Variants in PALS2 observed in about 807,000 individuals in gnomAD.
The protein encoded by PALS2 is protein associated with LIN7 2, MAGUK p55 family member.
PALS2 carries 27 observed loss-of-function variants against 61.6 expected under a neutral mutation model. That is an observed-to-expected ratio of 0.44 (90% CI 0.32 to 0.60). The LOEUF (loss-of-function observed/expected upper bound fraction) is 0.60, where lower values mean the gene tolerates loss of function less well. PALS2 is among the 20% of genes least tolerant of loss of function. PALS2 has a pLI of 0.05. For synonymous variants in PALS2, 236 were observed against 218.6 expected (o/e 1.08, Z -0.70); for missense variants, 554 against 639.4 (o/e 0.87, Z 1.44).
intron 1 of PALS2, chr7:24,589,440 G>A (rs1044610695): frequency 4.3e-4 from 66 of 152,122 alleles, no homozygotes; most frequent in African/African-American, 1.6e-3. Flanking sequence ...GCTGCTTCTC[G>A]AAAGAAGTTT....
chr7:24,594,638 G>A (rs56179013), intron 1 of PALS2, among the ~76,000 whole-genome samples: 1 of 152,008 alleles, frequency 6.6e-6, no homozygotes, highest in Non-Finnish European at 1.5e-5. Context: ...GTTGGTAGAC[G>A]AGTCAGAACA....
rs960345227 is a variant in PALS2, at chr7:24,618,508, A to G, written c.-2-5158A>G. On this transcript the variant is annotated intron_variant, in intron 1 of 11. Transcript: ENST00000222644. The surrounding 1 kb of genome is among the most constrained non-coding windows in gnomAD (Gnocchi z 5.1). ...GCAGCAGCTTGGCTCACAAGGGAGT[A>G]AGTGCAGATCTTGTGCTCCCAGTCT... Among the ~76,000 whole-genome samples, 1 of 152,206 alleles carries G rather than the reference A, an allele frequency of 6.6e-6. No individual in the cohort carries two copies. The highest frequency in any genetic ancestry group is 2.4e-5 in the African/African-American group (1 of 41,456).
chr7:24,615,897 A>C (rs1247749204), intron 1 of PALS2, among the ~76,000 whole-genome samples: 1 of 152,162 alleles, frequency 6.6e-6, no homozygotes, highest in East Asian at 1.9e-4. Flanking sequence ...GCAATGGTTC[A>C]ATATACACAA....
At chr7:24,595,921 G>A (rs1470947443) in intron 1 of PALS2, among the ~76,000 whole-genome samples, 8 of 151,770 alleles carry the variant, frequency 5.3e-5, no homozygotes, top group Non-Finnish European at 2.9e-5. Flanking sequence ...AATGAGAGAT[G>A]GGAGATGAAC....
rs143537632 is a variant in PALS2 at position 24,691,389 on chromosome 7, A to ATGTGTGTGTGTGTGTGTGTGTG, written c.*3792_*3793insGTGTGTGTGTGTGTGTGTGTGT. ...ATGTTCGAGTTGCCATATATTATGT[A>ATGTGTGTGTGTGTGTGTGTGTG]TGTGTGTGTGTGTGTGTATATATAT... On this transcript the variant is annotated 3_prime_UTR_variant, in exon 12 of 12. Coordinates refer to ENST00000222644, the MANE Select transcript of PALS2 (RefSeq NM_001303037.2). 8.0e-5 allele frequency: 7 copies of ATGTGTGTGTGTGTGTGTGTGTG among 87,706 alleles called. 1 individual carries two copies. Among genetic ancestry groups the ATGTGTGTGTGTGTGTGTGTGTG allele is most frequent in the Non-Finnish European group, 1.1e-4 (5 of 46,492 alleles). The allele number at this position is 87,706 out of a possible 1,614,324, so 5.4% of individuals were successfully genotyped here. A position where few individuals can be genotyped will look rare whatever the true frequency, so the allele number is the denominator to read the frequency against.
At chr7:24,603,562 C>G (rs756278842) in intron 1 of PALS2, among the ~76,000 whole-genome samples, 4 of 152,176 alleles carry the variant, frequency 2.6e-5, no homozygotes, top group Non-Finnish European at 5.9e-5. Flanking sequence ...ACTTTGAATG[C>G]ATTTCCCAGT....
chr7:24,648,925 A>C (rs1785991592), intron 3 of PALS2, among the ~76,000 whole-genome samples: 1 of 150,704 alleles, frequency 6.6e-6, no homozygotes. Context: ...AAAAAAAAGC[A>C]ATTCCTAGAA....
chr7:24,607,751 CTGTA>C (rs2128050639), intron 1 of PALS2, among the ~76,000 whole-genome samples: 1 of 151,786 alleles, frequency 6.6e-6, no homozygotes, highest in South Asian at 2.1e-4. Context: ...TGGAAGCAGC[CTGTA>C]TGTCTTTCAG....
intron 7 of PALS2, 48 bp downstream of exon 7, chr7:24,665,735 T>C: frequency 1.3e-6 from 2 of 1,509,140 alleles, no homozygotes; most frequent in South Asian, 1.1e-5. Context: ...TGTGACCACC[T>C]TTCTTTGTCT....
chr7:24,621,773 A>G (rs1784531783), intron 1 of PALS2, among the ~76,000 whole-genome samples: 1 of 151,970 alleles, frequency 6.6e-6, no homozygotes, highest in Non-Finnish European at 1.5e-5. Flanking sequence ...AATAAAAATA[A>G]AAGTTAATAT....
chr7:24,680,593 T>C (rs1787871950), intron 11 of PALS2, 73 bp downstream of exon 11: 16 of 1,466,862 alleles, frequency 1.1e-5, no homozygotes, highest in Non-Finnish European at 1.5e-5. Context: ...TTATCTAATT[T>C]ATTTTTATTT....
intron 1 of PALS2, among the ~76,000 whole-genome samples, chr7:24,595,530 A>G (rs971689475): frequency 1.5e-5 from 2 of 132,298 alleles, no homozygotes; most frequent in East Asian, 2.0e-4. Flanking sequence ...TATATAATAT[A>G]TAATATATAA....
chr7:24,614,284 T>C (rs893283236), intron 1 of PALS2, among the ~76,000 whole-genome samples: 1 of 151,880 alleles, frequency 6.6e-6, no homozygotes, highest in African/African-American at 2.4e-5. Context: ...ATTATAAATA[T>C]AATAGCTTTC....
chr7:24,685,702 T>C (rs1343425078), intron 11 of PALS2, among the ~76,000 whole-genome samples: 2 of 151,744 alleles, frequency 1.3e-5, no homozygotes, highest in Non-Finnish European at 2.9e-5. Context: ...AAGAATTGCT[T>C]TCAAGTTGAA....
intron 3 of PALS2, among the ~76,000 whole-genome samples, chr7:24,647,734 G>A (rs1048885029): frequency 6.6e-6 from 1 of 152,158 alleles, no homozygotes; most frequent in Admixed American, 6.5e-5. Context: ...TAAAATTGCA[G>A]TTTCAAGTGG....
At chr7:24,589,960 A>G (rs1398940937) in intron 1 of PALS2, among the ~76,000 whole-genome samples, 2 of 152,076 alleles carry the variant, frequency 1.3e-5, no homozygotes, top group Non-Finnish European at 2.9e-5. Flanking sequence ...GTGTCCCTTA[A>G]TATTTGGTTT....
chr7:24,647,242 G>A (rs959160560), intron 3 of PALS2, among the ~76,000 whole-genome samples: 2 of 151,774 alleles, frequency 1.3e-5, no homozygotes, highest in Non-Finnish European at 2.9e-5. Flanking sequence ...CACCTCCCAG[G>A]TTCAAGCAAT....
intron 1 of PALS2, among the ~76,000 whole-genome samples, chr7:24,609,298 T>C (rs1485138470): frequency 6.6e-6 from 1 of 152,194 alleles, no homozygotes; most frequent in Non-Finnish European, 1.5e-5. Context: ...GACGTCATGG[T>C]CAGGCACTGA....
rs1232060805 is a variant in PALS2 at position 24,641,765 on chromosome 7, A to G, written c.167A>G (p.Asn56Ser). Reference sequence around the variant, plus strand: ...AAACTAGAAGCTGTCAGTGACAATAACTTGGAATTAGTCAATGAAATTCTT... The same window carrying G: ...AAACTAGAAGCTGTCAGTGACAATAGCTTGGAATTAGTCAATGAAATTCTT... ...DSKLEAVSDNNLELVNEILED... is the reference protein window; with the variant it reads ...DSKLEAVSDNSLELVNEILED... Residue 56 changes from asparagine (N) to serine (S), a missense_variant, in exon 3 of 12, where the codon AAC becomes AGC. Coordinates refer to ENST00000222644, the MANE Select transcript of PALS2 (RefSeq NM_001303037.2). 6.2e-7 allele frequency: 1 copy of G among 1,612,404 alleles called. No individual in the cohort carries two copies. The highest frequency in any genetic ancestry group is 1.1e-5 in the South Asian group (1 of 90,794).
Sources: allele counts gnomAD v4.1 joint callset (sites outside exome capture counted in the v4.1 genomes callset), GRCh38; gene constraint gnomAD v4.1.1; non-coding constraint Gnocchi (gnomAD v3.1); transcripts MANE v1.5; gene names NCBI Gene and HGNC (gene_info 2026-07-23, HGNC 2026-07-21).